The following CS variants were observed in gnomAD, a reference collection of about 807,000 sequenced individuals.
CS encodes citrate synthase, mitochondrial.
In CS, 13 loss-of-function variants were observed where a neutral mutation model predicts 61.4. The ratio of observed to expected loss-of-function variants is 0.21; its 90% CI spans 0.14 to 0.34. The LOEUF is 0.34. Ranked by LOEUF, CS falls within the 10% of genes least tolerant of loss-of-function variation. The probability of loss-of-function intolerance (pLI) is 1.00; values close to 1 mark genes in which losing one functional copy is unlikely to be tolerated. For synonymous variants in CS, 159 were observed against 215.2 expected (o/e 0.74, Z 2.29); for missense variants, 278 against 573.4 (o/e 0.48, Z 5.26).
chr12:56,295,951 C>CAAAAAAAAAAAA lies in CS; in HGVS notation c.42+4197_42+4208dup, dbSNP rs71081343. Among the ~76,000 whole-genome samples the CAAAAAAAAAAAA allele has an allele frequency of 1.3e-3, 53 of 40,518 alleles. 3 individuals carry two copies. Among genetic ancestry groups the CAAAAAAAAAAAA allele is most frequent in the Non-Finnish European group, 1.8e-3 (48 of 26,006 alleles). 26.6% of individuals were successfully genotyped at this position (40,518 alleles called of 152,430 possible). A position where few individuals can be genotyped will look rare whatever the true frequency, so the allele number is the denominator to read the frequency against. On this transcript the variant is annotated intron_variant, in intron 1 of 10. Transcript: ENST00000351328. The stretch of plus-strand genomic sequence containing the variant: ...CCTAGGCGACAGAGCGAAACTGTCT[C>CAAAAAAAAAAAA]AAAAAAAAAAAAAAAAAAAAAAAAA...
intron 1 of CS, among the ~76,000 whole-genome samples, chr12:56,293,082 G>A (rs1873183009): frequency 6.6e-6 from 1 of 152,160 alleles, no homozygotes; most frequent in South Asian, 2.1e-4. Flanking sequence ...ACTCCAGCCT[G>A]GGCAACAGAG....
chr12:56,291,619 T>C (rs1308131567), intron 1 of CS: 2 of 152,360 alleles, frequency 1.3e-5, no homozygotes, highest in African/African-American at 4.8e-5. Flanking sequence ...ATGAGACAGG[T>C]AGATTACAAA....
chr12:56,298,562 C>T (rs1375655592), intron 1 of CS: 1 of 936,946 alleles, frequency 1.1e-6, no homozygotes. Context: ...CCCATTCTGC[C>T]AAAACGCTAT....
chr12:56,300,080 A>G, intron 1 of CS, 80 bp downstream of exon 1: 1 of 1,416,768 alleles, frequency 7.1e-7, no homozygotes, highest in Middle Eastern at 2.4e-4. Flanking sequence ...CGGGTGTGGG[A>G]GGGAGACCCC....
At chr12:56,283,179 C>T (rs1872826788) in intron 4 of CS, among the ~76,000 whole-genome samples, 188 bp from the exon 5 acceptor site, 1 of 152,222 alleles carries the variant, frequency 6.6e-6, no homozygotes, top group African/African-American at 2.4e-5. Context: ...CAATGCTCCA[C>T]CTTGGCCTCC....
chr12:56,287,437 G>A (rs1447908788), intron 1 of CS, among the ~76,000 whole-genome samples: 1 of 116,684 alleles, frequency 8.6e-6, no homozygotes, highest in Non-Finnish European at 1.6e-5. Flanking sequence ...AGCCAAGATT[G>A]TGCCACTGCA....
intron 6 of CS, among the ~76,000 whole-genome samples, chr12:56,278,430 T>C (rs1218711709): frequency 6.6e-6 from 1 of 152,012 alleles, no homozygotes; most frequent in East Asian, 1.9e-4. Flanking sequence ...ACCCAGCCCA[T>C]GTCACTTTTT....
At chr12:56,284,337 A>AC (rs1872868245) in intron 3 of CS, among the ~76,000 whole-genome samples, 1 of 127,012 alleles carries the variant, frequency 7.9e-6, no homozygotes, top group Non-Finnish European at 1.7e-5. Flanking sequence ...AAAAAAAAAA[A>AC]GAAAAAAAAA....
chr12:56,286,511 G>C, intron 2 of CS, 84 bp downstream of exon 2: 1 of 1,090,142 alleles, frequency 9.2e-7, no homozygotes, highest in South Asian at 1.3e-5. Flanking sequence ...GATAATAAGA[G>C]GCCAGGTGGT....
intron 1 of CS, 89 bp from the exon 2 acceptor site, chr12:56,286,734 C>T (rs1046245989): frequency 8.7e-7 from 1 of 1,154,676 alleles, no homozygotes; most frequent in African/African-American, 1.5e-5. Flanking sequence ...CAACCTCTCT[C>T]TCTTCATCTC....
In CS at chr12:56,271,918, T is replaced by C; in HGVS notation, c.*1166A>G. Reference sequence around the variant, plus strand: ...TCAAAGAAAAAGAAGTAGAGCATTCTGAGTTGCTGAAAACCTGTGCAAATG... The same window carrying C: ...TCAAAGAAAAAGAAGTAGAGCATTCCGAGTTGCTGAAAACCTGTGCAAATG... On this transcript the variant is annotated 3_prime_UTR_variant, in exon 11 of 11. Coordinates refer to ENST00000351328, the MANE Select transcript of CS (RefSeq NM_004077.3). The C allele has an allele frequency of 2.2e-6, 1 of 456,368 alleles. No homozygotes were observed. Among genetic ancestry groups the C allele is most frequent in the Non-Finnish European group, 4.4e-6 (1 of 226,756 alleles). The allele number at this position is 456,368 out of a possible 1,614,324, so 28.3% of individuals were successfully genotyped here. A position where few individuals can be genotyped will look rare whatever the true frequency, so the allele number is the denominator to read the frequency against.
chr12:56,282,392 C>A, intron 6 of CS, 28 bp downstream of exon 6: 1 of 1,537,366 alleles, frequency 6.5e-7, no homozygotes, highest in South Asian at 1.3e-5. Flanking sequence ...CCCCATCACA[C>A]ACCGATCACC....
At chr12:56,295,025 CA>C (rs1173694373) in intron 1 of CS, among the ~76,000 whole-genome samples, 6 of 151,974 alleles carry the variant, frequency 3.9e-5, no homozygotes, top group Non-Finnish European at 8.8e-5. Context: ...CTCAGTCTCC[CA>C]AAGGGCTGGG....
chr12:56,275,971 G>C (rs747431957), intron 7 of CS, 25 bp downstream of exon 7: 2 of 1,609,454 alleles, frequency 1.2e-6, no homozygotes, highest in Non-Finnish European at 1.7e-6. Flanking sequence ...GCACCTAGTG[G>C]CTGTGGTTGC....
At position 56,273,010 on chromosome 12, in the gene CS, C is replaced by T. The variant is rs942624600; in HGVS notation, c.*74G>A. On this transcript the variant is annotated 3_prime_UTR_variant, in exon 11 of 11. Coordinates refer to ENST00000351328, the MANE Select transcript of CS (RefSeq NM_004077.3). ...AATTTAATCTTAAGTCTTTAAAGGC[C>T]CCCTGAAACAAAAGTATACTTTTTA... 4.5e-4 allele frequency: 426 copies of T among 953,444 alleles called. No homozygotes were observed. The highest frequency in any genetic ancestry group is 1.5e-3 in the Middle Eastern group (5 of 3,226). 59.1% of individuals were successfully genotyped at this position (953,444 alleles called of 1,614,324 possible).
chr12:56,295,827 G>A lies in CS; in HGVS notation c.42+4333C>T, dbSNP rs903794171. On this transcript the variant is annotated intron_variant, in intron 1 of 10. Transcript: ENST00000351328. The stretch of plus-strand genomic sequence containing the variant: ...AAATTAGCGGGGCGAGGTGGTGGGC[G>A]CCTACAGTCCCAGCTACTCAGGAGG... Among the ~76,000 whole-genome samples, 167 of 151,342 alleles carry A rather than the reference G, an allele frequency of 1.1e-3. 2 individuals are homozygous for A. The highest frequency in any genetic ancestry group is 0.011 in the Admixed American group (166 of 15,134).
intron 5 of CS, 41 bp downstream of exon 5, chr12:56,282,819 G>A: frequency 6.2e-7 from 1 of 1,610,224 alleles, no homozygotes; most frequent in South Asian, 1.1e-5. Flanking sequence ...AGGCAATGAA[G>A]AAGGGGAATG....
At chr12:56,289,200 G>GA (rs1220764845) in intron 1 of CS, among the ~76,000 whole-genome samples, 1 of 152,188 alleles carries the variant, frequency 6.6e-6, no homozygotes, top group Non-Finnish European at 1.5e-5. Flanking sequence ...ACAGGAAGCT[G>GA]AACCCAGCAC....
intron 1 of CS, among the ~76,000 whole-genome samples, chr12:56,289,733 C>T (rs570580014): frequency 6.6e-6 from 1 of 151,856 alleles, no homozygotes; most frequent in Non-Finnish European, 1.5e-5. Flanking sequence ...TGAGCCACCG[C>T]GCCCGGCCAG....
Sources: allele counts gnomAD v4.1 joint callset (sites outside exome capture counted in the v4.1 genomes callset), GRCh38; gene constraint gnomAD v4.1.1; transcripts MANE v1.5; gene names NCBI Gene and HGNC (gene_info 2026-07-23, HGNC 2026-07-21).